The following ROBO2 variants were observed in gnomAD, a reference collection of about 807,000 sequenced individuals.
The protein encoded by ROBO2 is roundabout guidance receptor 2.
A neutral mutation model predicts 160.8 loss-of-function variants in ROBO2; 53 were observed. The ratio of observed to expected loss-of-function variants is 0.33; its 90% confidence interval spans 0.26 to 0.41. The LOEUF is 0.41. ROBO2 is among the 10% of genes least tolerant of loss of function. The pLI is 1.00. For synonymous variants in ROBO2, 664 were observed against 611.7 expected (o/e 1.09, Z -1.26); for missense variants, 1,577 against 1,722.4 (o/e 0.92, Z 1.49).
intron 2 of ROBO2, among the ~76,000 whole-genome samples, chr3:76,121,359 A>T (rs1056187724): frequency 1.3e-5 from 2 of 152,188 alleles, no homozygotes; most frequent in Non-Finnish European, 2.9e-5. Context: ...ATAATTGTCT[A>T]ACTGTACATA....
chr3:76,625,423 G>T (rs2089564345), intron 2 of ROBO2, among the ~76,000 whole-genome samples: 1 of 151,982 alleles, frequency 6.6e-6, no homozygotes, highest in Non-Finnish European at 1.5e-5. Context: ...AACACAGCCA[G>T]ATGTCATTTT....
intron 5 of ROBO2, among the ~76,000 whole-genome samples, chr3:77,504,445 A>G (rs1377967214): frequency 6.6e-6 from 1 of 152,012 alleles, no homozygotes; most frequent in Non-Finnish European, 1.5e-5. Flanking sequence ...AATTAAACCC[A>G]TAAACATTCT....
At chr3:75,932,111 T>C (rs551867675) in intron 1 of ROBO2, among the ~76,000 whole-genome samples, 2 of 152,222 alleles carry the variant, frequency 1.3e-5, no homozygotes, top group Middle Eastern at 3.4e-3. Flanking sequence ...AGGGTATCAG[T>C]GTAAGCAGGA....
At chr3:77,576,307 A>G (rs2093761736) in intron 14 of ROBO2, among the ~76,000 whole-genome samples, 1 of 152,116 alleles carries the variant, frequency 6.6e-6, no homozygotes, top group Admixed American at 6.6e-5. Flanking sequence ...ATGTCATGAC[A>G]TATTTACAAA....
intron 2 of ROBO2, among the ~76,000 whole-genome samples, chr3:76,672,940 A>G (rs892165964): frequency 6.6e-6 from 1 of 151,896 alleles, no homozygotes; most frequent in Non-Finnish European, 1.5e-5. Context: ...TGTATTCTCC[A>G]TGTGAGAATT....
At chr3:76,739,331 T>G (rs977392992) in intron 2 of ROBO2, among the ~76,000 whole-genome samples, 3 of 152,040 alleles carry the variant, frequency 2.0e-5, no homozygotes, top group Non-Finnish European at 4.4e-5. Context: ...TCCTTTGTAG[T>G]GACATGGATG....
At chr3:76,113,486 G>A (rs1181984248) in intron 2 of ROBO2, among the ~76,000 whole-genome samples, 2 of 152,108 alleles carry the variant, frequency 1.3e-5, no homozygotes, top group Non-Finnish European at 2.9e-5. Flanking sequence ...TGTGTGAGCA[G>A]ACTCTGAGTA....
At chr3:76,130,359 T>C (rs1440638092) in intron 2 of ROBO2, among the ~76,000 whole-genome samples, 2 of 152,164 alleles carry the variant, frequency 1.3e-5, no homozygotes, top group African/African-American at 4.8e-5. Context: ...TAATTTCATA[T>C]GATGGCATAG....
At chr3:76,679,334 A>T (rs545186825) in intron 2 of ROBO2, among the ~76,000 whole-genome samples, 2 of 152,208 alleles carry the variant, frequency 1.3e-5, no homozygotes, top group East Asian at 1.9e-4. Context: ...ATCTTATAAG[A>T]TCTTATCTAT....
chr3:75,926,303 C>T (rs1947289424), intron 1 of ROBO2, among the ~76,000 whole-genome samples: 1 of 152,238 alleles, frequency 6.6e-6, no homozygotes, highest in East Asian at 1.9e-4. Context: ...CAGAGGTGAG[C>T]TTGTGCCATG....
chr3:76,097,255 C>T (rs570422319), intron 2 of ROBO2, among the ~76,000 whole-genome samples: 19 of 152,252 alleles, frequency 1.2e-4, no homozygotes, highest in South Asian at 6.2e-4. Flanking sequence ...GCTTCTCTGA[C>T]GGCATGAGCC....
intron 2 of ROBO2, among the ~76,000 whole-genome samples, chr3:76,123,043 G>A (rs1464936900): frequency 3.3e-5 from 5 of 151,976 alleles, no homozygotes; most frequent in African/African-American, 9.7e-5. Context: ...CACCGTGCCC[G>A]ACCTGTTTTC....
exon 26 of ROBO2, chr3:77,647,753 C>T (rs1319029533): frequency 6.6e-6 from 1 of 152,060 alleles, no homozygotes; most frequent in Non-Finnish European, 1.5e-5. Flanking sequence ...ATGATAAGTT[C>T]AGTTGTTGGT....
intron 2 of ROBO2, among the ~76,000 whole-genome samples, chr3:76,327,669 T>G (rs547389947): frequency 6.6e-6 from 1 of 152,328 alleles, no homozygotes; most frequent in East Asian, 1.9e-4. Flanking sequence ...ATCATTGGCA[T>G]CATTTCACAT....
chr3:76,010,545 G>C (rs1576467119), intron 2 of ROBO2, among the ~76,000 whole-genome samples: 2 of 152,192 alleles, frequency 1.3e-5, no homozygotes, highest in East Asian at 3.9e-4. Flanking sequence ...CTACTAGGCT[G>C]AAAGCCATAT....
rs368126535 is a variant in ROBO2 at position 76,665,376 on chromosome 3, T to A, written c.110-432638T>A. Among the ~76,000 whole-genome samples, 96 of 152,246 alleles carry A rather than the reference T, an allele frequency of 6.3e-4. No homozygotes were observed. The South Asian group carries it at 9.1e-3, about 14-fold the overall frequency. On this transcript the variant is annotated intron_variant, in intron 2 of 26. Coordinates refer to the ROBO2 transcript ENST00000487694. ...AATAAGTTAAATAACTTGCCCAAGT[T>A]TATATGGCCAGAAATTGAGTTAATA...
At chr3:77,274,305 A>C (rs1483293782) in intron 2 of ROBO2, among the ~76,000 whole-genome samples, 1 of 152,160 alleles carries the variant, frequency 6.6e-6, no homozygotes, top group Non-Finnish European at 1.5e-5. Flanking sequence ...ATAACTTGGC[A>C]TGATTCTTCC....
At chr3:77,218,231 C>T (rs987886974) in intron 2 of ROBO2, among the ~76,000 whole-genome samples, 17 of 152,274 alleles carry the variant, frequency 1.1e-4, no homozygotes, top group East Asian at 9.7e-4. Context: ...TGTACTTCCA[C>T]CATGCCTGCC....
chr3:76,327,292 A>G (rs2073108127), intron 2 of ROBO2, among the ~76,000 whole-genome samples: 2 of 152,246 alleles, frequency 1.3e-5, no homozygotes, highest in Admixed American at 6.5e-5. Flanking sequence ...TTTATTAATA[A>G]TATACCTAAA....
Sources: gnomAD v4.1 joint callset for allele counts (sites outside exome capture counted in the v4.1 genomes callset) on GRCh38, gnomAD v4.1.1 for gene constraint, MANE v1.5 for transcripts, NCBI Gene and HGNC (gene_info 2026-07-23, HGNC 2026-07-21) for gene names.